Variants in TSPEAR observed in about 807,000 individuals in gnomAD.
The protein encoded by TSPEAR is thrombospondin-type laminin G domain and EAR repeat-containing protein.
A neutral mutation model predicts 71.6 loss-of-function variants in TSPEAR; 69 were observed. The observed-to-expected ratio is 0.96, with a 90% CI of 0.79 to 1.18. The LOEUF (loss-of-function observed/expected upper bound fraction) is 1.18. TSPEAR is among the 50% of genes most tolerant of loss of function. TSPEAR has a pLI of 0.00. For synonymous variants in TSPEAR, 402 were observed against 387.2 expected (o/e 1.04, Z -0.45); for missense variants, 971 against 894.9 (o/e 1.09, Z -1.09).
At chr21:44,517,727 G>A (rs1470423215) in intron 9 of TSPEAR, 1 of 470,406 alleles carries the variant, frequency 2.1e-6, no homozygotes, top group African/African-American at 2.0e-5. Context: ...GTCCTGCGGG[G>A]GCTCTGTGGA....
In TSPEAR at chr21:44,574,839, G is replaced by C. The variant is rs200727700; in HGVS notation, c.83-6834C>G. The C allele has an allele frequency of 2.3e-5, 37 of 1,613,586 alleles. No homozygotes were observed. The highest frequency in any genetic ancestry group is 1.6e-4 in the Middle Eastern group (1 of 6,076). Reference sequence around the variant, plus strand: ...CTCCTGCTGCAGACCCTCCTCCTCCGTGTCCCTCCTCTGCCGCCCCGTGTG... The same window carrying C: ...CTCCTGCTGCAGACCCTCCTCCTCCCTGTCCCTCCTCTGCCGCCCCGTGTG... On this transcript the variant is annotated intron_variant, in intron 1 of 11. Transcript: ENST00000323084.
intron 9 of TSPEAR, among the ~76,000 whole-genome samples, chr21:44,513,797 G>A (rs760541531): frequency 2.6e-5 from 4 of 152,150 alleles, no homozygotes; most frequent in Non-Finnish European, 4.4e-5. Flanking sequence ...ATGCACCCCT[G>A]GGGCTCCCTC....
chr21:44,677,464 C>T (rs1313261092), intron 1 of TSPEAR: 9 of 843,994 alleles, frequency 1.1e-5, no homozygotes, highest in Non-Finnish European at 1.6e-5. Flanking sequence ...AAGCTCTTGG[C>T]TAGAGACTCA....
chr21:44,569,224 A>G (rs935199035), intron 1 of TSPEAR, among the ~76,000 whole-genome samples: 1 of 152,206 alleles, frequency 6.6e-6, no homozygotes, highest in Non-Finnish European at 1.5e-5. Flanking sequence ...TACCCTGGAA[A>G]AGCATCCTGG....
intron 1 of TSPEAR, among the ~76,000 whole-genome samples, chr21:44,588,191 C>A (rs1979466221): frequency 6.6e-6 from 1 of 152,132 alleles, no homozygotes; most frequent in African/African-American, 2.4e-5. Flanking sequence ...AAAAACCAAA[C>A]AATCCCATCA....
intron 1 of TSPEAR, among the ~76,000 whole-genome samples, chr21:44,600,314 T>C (rs76187588): frequency 0.012 from 1,753 of 152,236 alleles, 16 homozygotes; most frequent in Non-Finnish European, 0.016. Flanking sequence ...CATTACACCC[T>C]GTCTACTTCA....
In TSPEAR at chr21:44,525,646, G is replaced by A; in HGVS notation, c.1336+7C>T. 1 of 1,613,708 alleles carries A rather than the reference G, an allele frequency of 6.2e-7. No individual in the cohort carries two copies. The highest frequency in any genetic ancestry group is 8.5e-7 in the Non-Finnish European group (1 of 1,179,784). On this transcript the variant is annotated splice_region_variant and intron_variant, in intron 8 of 11. Transcript: ENST00000323084. ...GCCTCCCGGTGTGAAGGCCACTCCTGCCCTACCTTCCCGGTGGTTGGCCAC... is the reference window on the plus strand; with the variant it reads ...GCCTCCCGGTGTGAAGGCCACTCCTACCCTACCTTCCCGGTGGTTGGCCAC...
At chr21:44,501,507 G>A (rs973538992) in intron 11 of TSPEAR, among the ~76,000 whole-genome samples, 47 of 152,238 alleles carry the variant, frequency 3.1e-4, no homozygotes, top group African/African-American at 9.2e-4. Flanking sequence ...TGAAGCAAGA[G>A]AATGGCGTGA....
chr21:44,653,352 A>G (rs1555941858), intron 1 of TSPEAR, among the ~76,000 whole-genome samples: 1 of 152,122 alleles, frequency 6.6e-6, no homozygotes, highest in Non-Finnish European at 1.5e-5. Context: ...CGCCACCTGC[A>G]TATGAACTGT....
intron 1 of TSPEAR, among the ~76,000 whole-genome samples, chr21:44,657,486 C>T (rs2146260879): frequency 6.6e-6 from 1 of 152,268 alleles, no homozygotes; most frequent in African/African-American, 2.4e-5. Context: ...TGCTGTGATC[C>T]AATAAGAGTT....
At chr21:44,689,773 G>A (rs1987050143) in intron 1 of TSPEAR, among the ~76,000 whole-genome samples, 1 of 131,524 alleles carries the variant, frequency 7.6e-6, no homozygotes, top group African/African-American at 3.0e-5. Context: ...TAACTAACAT[G>A]ATCACAAGGT....
intron 1 of TSPEAR, chr21:44,574,293 G>A (rs781843971): frequency 1.2e-6 from 2 of 1,604,438 alleles, no homozygotes; most frequent in East Asian, 2.3e-5. Context: ...GTCTAGCTGT[G>A]TGAGCTGTGT....
At chr21:44,592,487 T>G (rs1980045521) in intron 1 of TSPEAR, 1 of 1,606,338 alleles carries the variant, frequency 6.2e-7, no homozygotes, top group Non-Finnish European at 8.5e-7. Flanking sequence ...GCGGCCATGC[T>G]GGGGTTGAAC....
chr21:44,527,582 G>C, intron 6 of TSPEAR, 64 bp from the exon 7 acceptor site: 2 of 1,522,508 alleles, frequency 1.3e-6, no homozygotes, highest in Non-Finnish European at 1.8e-6. Context: ...AGCAATCCTC[G>C]CGGGAGCGCG....
chr21:44,503,531 C>CAAGGCT (rs2052101278), intron 11 of TSPEAR, among the ~76,000 whole-genome samples: 2 of 118,382 alleles, frequency 1.7e-5, no homozygotes, highest in Admixed American at 8.6e-5. Flanking sequence ...TGGGGGGAAG[C>CAAGGCT]CGGCCTTGGT....
At chr21:44,580,170 T>C (rs1555924798) in intron 1 of TSPEAR, 2 of 1,611,990 alleles carry the variant, frequency 1.2e-6, no homozygotes, top group African/African-American at 2.7e-5. Context: ...CACACGGGCT[T>C]GCAGCAGACA....
At chr21:44,519,549 C>T (rs1277385176) in intron 9 of TSPEAR, 3 of 152,440 alleles carry the variant, frequency 2.0e-5, no homozygotes, top group Non-Finnish European at 2.9e-5. Context: ...GCTCCTGAAC[C>T]CTCCTTCAGG....
intron 1 of TSPEAR, chr21:44,646,912 T>A (rs1555940086): frequency 6.2e-7 from 1 of 1,613,596 alleles, no homozygotes; most frequent in African/African-American, 1.3e-5. Flanking sequence ...GCCCGTCTGC[T>A]GCAAGCCTGT....
chr21:44,568,925 GC>G (rs1377651817), intron 1 of TSPEAR, among the ~76,000 whole-genome samples: 1 of 152,188 alleles, frequency 6.6e-6, no homozygotes, highest in African/African-American at 2.4e-5. Context: ...TCCCCCACGT[GC>G]CCATCCTGGC....
Sources: gnomAD v4.1 joint callset for allele counts (sites outside exome capture counted in the v4.1 genomes callset) on GRCh38, gnomAD v4.1.1 for gene constraint, MANE v1.5 for transcripts, NCBI Gene and HGNC (gene_info 2026-07-23, HGNC 2026-07-21) for gene names.